ABTB2: variants seen among roughly 807,000 people sequenced by gnomAD.
ABTB2 encodes ankyrin repeat and BTB/POZ domain-containing protein 2.
Under a neutral mutation model 104.1 loss-of-function variants are expected in ABTB2, and 56 were observed. The observed-to-expected ratio is 0.54, with a 90% CI of 0.43 to 0.67. ABTB2 has a LOEUF of 0.67. ABTB2 is among the 30% of genes least tolerant of loss of function. The pLI is 0.00. For synonymous variants in ABTB2, 606 were observed against 608.2 expected (o/e 1.00, Z 0.05); for missense variants, 1,279 against 1,407.7 (o/e 0.91, Z 1.46).
chr11:34,197,108 C>T (rs138626070), intron 3 of ABTB2, among the ~76,000 whole-genome samples: 4 of 151,572 alleles, frequency 2.6e-5, no homozygotes, highest in African/African-American at 4.9e-5. Context: ...CCTCAGTGGC[C>T]CCATGCTGCA....
At chr11:34,273,274 C>G (rs965009033) in intron 1 of ABTB2, among the ~76,000 whole-genome samples, 1 of 152,090 alleles carries the variant, frequency 6.6e-6, no homozygotes, top group Non-Finnish European at 1.5e-5. Context: ...AAGGATACAC[C>G]AGGGGTCTAC....
chr11:34,332,682 C>T (rs769022864), intron 1 of ABTB2, among the ~76,000 whole-genome samples: 6 of 152,066 alleles, frequency 3.9e-5, no homozygotes, highest in Non-Finnish European at 5.9e-5. Context: ...CAGCCTAGCC[C>T]GCTGTCCAGC....
intron 1 of ABTB2, among the ~76,000 whole-genome samples, chr11:34,294,425 G>A (rs1854596968): frequency 6.6e-6 from 1 of 152,210 alleles, no homozygotes; most frequent in African/African-American, 2.4e-5. Flanking sequence ...GATTTCAAAG[G>A]AGCAGTGGAG....
rs747581476 is a variant in ABTB2 at position 34,152,497 on chromosome 11, G to A, written c.2968C>T (p.Gln990Ter). The A allele has an allele frequency of 6.8e-6, 11 of 1,609,910 alleles. No individual in the cohort carries two copies. In the South Asian group the frequency reaches 1.2e-4, roughly 18 times the overall value. The change falls in exon 17 of 17, where the codon CAG becomes TAG. Residue 990 changes from glutamine to a stop codon, truncating the protein, a stop_gained. Transcript: ENST00000435224. LOFTEE classifies it high-confidence loss of function. The part of the protein sequence containing the change: ...KALLEQDAFR[Q>*]LIYGRSSKVQ... ...TTGCTGCTGCGGCCGTAGATGAGCT[G>A]CCGGAAGGCATCCTGCTCCAGTAGG...
At chr11:34,208,920 C>T (rs1853442344) in intron 1 of ABTB2, among the ~76,000 whole-genome samples, 1 of 152,166 alleles carries the variant, frequency 6.6e-6, no homozygotes, top group African/African-American at 2.4e-5. Context: ...CCTCACCCAT[C>T]CCCTGCCTCC....
chr11:34,289,369 T>C (rs1192852987), intron 1 of ABTB2, among the ~76,000 whole-genome samples: 2 of 152,210 alleles, frequency 1.3e-5, no homozygotes, highest in Admixed American at 6.5e-5. Context: ...CCAACAGCCA[T>C]GGTTAATGCT....
chr11:34,160,173 A>G, intron 12 of ABTB2, 75 bp downstream of exon 12: 1 of 1,410,590 alleles, frequency 7.1e-7, no homozygotes, highest in Non-Finnish European at 1.0e-6. Context: ...GAAAGATGAC[A>G]AAGTGGGGAG....
At chr11:34,206,768 G>A (rs534021819) in intron 1 of ABTB2, among the ~76,000 whole-genome samples, 75 of 152,172 alleles carry the variant, frequency 4.9e-4, no homozygotes, top group Non-Finnish European at 9.4e-4. Context: ...CGTTCTGCAG[G>A]TTCAGCTGAT....
At chr11:34,191,799 T>G (rs1349860011) in intron 3 of ABTB2, among the ~76,000 whole-genome samples, 1 of 152,142 alleles carries the variant, frequency 6.6e-6, no homozygotes, top group African/African-American at 2.4e-5. Context: ...GCCAACAAGG[T>G]CCGCCCACTT....
intron 1 of ABTB2, among the ~76,000 whole-genome samples, chr11:34,290,800 G>A (rs1854558614): frequency 2.0e-5 from 3 of 152,326 alleles, no homozygotes; most frequent in Middle Eastern, 3.4e-3. Context: ...AACACGGATG[G>A]ATAAGTGTCT....
At chr11:34,276,704 C>T (rs1284524899) in intron 1 of ABTB2, among the ~76,000 whole-genome samples, 1 of 152,164 alleles carries the variant, frequency 6.6e-6, no homozygotes, top group African/African-American at 2.4e-5. Context: ...TCACAGAAGA[C>T]AAGGGGAGAG....
At chr11:34,306,982 T>TAAAA (rs61161318) in intron 1 of ABTB2, among the ~76,000 whole-genome samples, 152 of 94,110 alleles carry the variant, frequency 1.6e-3, no homozygotes, top group Non-Finnish European at 2.1e-3. Context: ...TCAGGAAACT[T>TAAAA]AAAAAAAAAA....
intron 1 of ABTB2, among the ~76,000 whole-genome samples, chr11:34,266,178 A>G (rs1854247155): frequency 6.6e-6 from 1 of 152,064 alleles, no homozygotes. Context: ...AAACTCCTGC[A>G]CTCAAGCAAT....
intron 1 of ABTB2, among the ~76,000 whole-genome samples, chr11:34,330,566 T>C (rs1254764778): frequency 6.6e-6 from 1 of 152,260 alleles, no homozygotes; most frequent in Non-Finnish European, 1.5e-5. Context: ...TTAGGGATTA[T>C]TGTCATCACC....
intron 1 of ABTB2, among the ~76,000 whole-genome samples, chr11:34,224,784 G>A (rs974842404): frequency 2.0e-5 from 3 of 152,186 alleles, no homozygotes; most frequent in African/African-American, 7.2e-5. Flanking sequence ...AGGCACCATT[G>A]TCTCTAATCA....
At chr11:34,205,742 GTA>G (rs760033297) in intron 1 of ABTB2, among the ~76,000 whole-genome samples, 28 of 152,156 alleles carry the variant, frequency 1.8e-4, no homozygotes, top group Non-Finnish European at 3.1e-4. Flanking sequence ...CACGTGTGAT[GTA>G]ACAAGGACAA....
At chr11:34,312,610 G>T (rs747740543) in intron 1 of ABTB2, among the ~76,000 whole-genome samples, 2 of 152,188 alleles carry the variant, frequency 1.3e-5, no homozygotes, top group Non-Finnish European at 2.9e-5. Context: ...AGATTGGTTT[G>T]CAATCCTCAG....
At chr11:34,179,221 C>T (rs550641620) in intron 3 of ABTB2, among the ~76,000 whole-genome samples, 10 of 152,284 alleles carry the variant, frequency 6.6e-5, no homozygotes, top group Admixed American at 2.6e-4. Flanking sequence ...TCCCATTTGC[C>T]GTCAGAGTGA....
intron 9 of ABTB2, among the ~76,000 whole-genome samples, chr11:34,163,305 T>G (rs1374307803): frequency 6.6e-6 from 1 of 152,234 alleles, no homozygotes; most frequent in Non-Finnish European, 1.5e-5. Context: ...AGTACTCATT[T>G]GGTCCCTTCA....
Sources: gnomAD v4.1 joint callset for allele counts (sites outside exome capture counted in the v4.1 genomes callset) on GRCh38, gnomAD v4.1.1 for gene constraint, MANE v1.5 for transcripts, NCBI Gene and HGNC (gene_info 2026-07-23, HGNC 2026-07-21) for gene names.